Variants in SLIT3 observed in about 807,000 individuals in gnomAD.
The protein encoded by SLIT3 is slit homolog 3 protein.
In SLIT3, 68 loss-of-function variants were observed where a neutral mutation model predicts 184.0. The observed-to-expected ratio is 0.37, with a 90% CI of 0.30 to 0.45. The LOEUF (loss-of-function observed/expected upper bound fraction) is 0.45. Among genes scored for constraint, SLIT3 ranks in the 20% least tolerant of loss-of-function variants. The pLI is 1.00. For missense variants in SLIT3, 1,707 were observed against 2,026.0 expected (o/e 0.84, Z 3.02); for synonymous variants, 831 against 828.6 (o/e 1.00, Z -0.05).
rs1054876229 is a variant in SLIT3 at position 169,189,553 on chromosome 5, T to G, written c.413+3926A>C. Among the ~76,000 whole-genome samples the G allele has an allele frequency of 3.3e-5, 3 of 89,882 alleles. No individual in the cohort carries two copies. In the East Asian group the frequency reaches 1.4e-3, roughly 43 times the overall value. 59.0% of individuals were successfully genotyped at this position (89,882 alleles called of 152,430 possible). A position where few individuals can be genotyped will look rare whatever the true frequency, so the allele number is the denominator to read the frequency against. ...ATATATATATATATATATATATATA[T>G]ATATATATATATATATATATATATA... On this transcript the variant is annotated intron_variant, in intron 4 of 35. Coordinates refer to ENST00000519560, the MANE Select transcript of SLIT3 (RefSeq NM_003062.4).
intron 4 of SLIT3, among the ~76,000 whole-genome samples, chr5:169,174,852 G>A (rs1762925266): frequency 6.6e-6 from 1 of 152,074 alleles, no homozygotes; most frequent in African/African-American, 2.4e-5. Context: ...ATCCCATGGA[G>A]CTGAAGCTCA....
Position 169,161,388 on chromosome 5 carries a change from C to T in SLIT3, c.413+32091G>A, listed in dbSNP as rs1445025830. Reference sequence around the variant, plus strand: ...GTCCATCACTGCCCCTTCCTTGGGCCGAGCCTCTGTACCCGCCCACTGGCT... The same window carrying T: ...GTCCATCACTGCCCCTTCCTTGGGCTGAGCCTCTGTACCCGCCCACTGGCT... On this transcript the variant is annotated intron_variant, in intron 4 of 35. Coordinates refer to ENST00000519560, the MANE Select transcript of SLIT3 (RefSeq NM_003062.4). Among the ~76,000 whole-genome samples, 3 of 152,192 alleles carry T rather than the reference C, an allele frequency of 2.0e-5. 1 individual carries two copies. Among genetic ancestry groups the T allele is most frequent in the African/African-American group, 4.8e-5 (2 of 41,446 alleles).
chr5:169,029,093 C>A (rs1027429430), intron 4 of SLIT3, among the ~76,000 whole-genome samples: 3 of 152,146 alleles, frequency 2.0e-5, no homozygotes, highest in Admixed American at 6.5e-5. Context: ...GAAGAAAACA[C>A]CCCAGTTGCA....
At chr5:169,019,412 A>G (rs890658303) in intron 4 of SLIT3, among the ~76,000 whole-genome samples, 13 of 152,252 alleles carry the variant, frequency 8.5e-5, no homozygotes, top group Non-Finnish European at 2.9e-5. Flanking sequence ...TAATTCATTA[A>G]AAGAATAAAT....
intron 3 of SLIT3, among the ~76,000 whole-genome samples, chr5:169,226,683 G>A (rs906661114): frequency 1.2e-4 from 18 of 152,038 alleles, no homozygotes; most frequent in Non-Finnish European, 8.8e-5. Flanking sequence ...GCATTCTAGG[G>A]GTGAGGTTAA....
chr5:168,900,049 A>ACTG (rs1232205944), intron 4 of SLIT3, among the ~76,000 whole-genome samples: 6 of 152,188 alleles, frequency 3.9e-5, no homozygotes, highest in Non-Finnish European at 8.8e-5. Context: ...ATACCTAAAA[A>ACTG]CTGCTCAACA....
At chr5:168,931,311 A>C (rs1761980754) in intron 4 of SLIT3, among the ~76,000 whole-genome samples, 1 of 152,232 alleles carries the variant, frequency 6.6e-6, no homozygotes, top group African/African-American at 2.4e-5. Flanking sequence ...AGACAAACAA[A>C]ACCAAAATCT....
At chr5:169,123,702 A>G (rs1166611591) in intron 4 of SLIT3, among the ~76,000 whole-genome samples, 1 of 152,218 alleles carries the variant, frequency 6.6e-6, no homozygotes, top group Non-Finnish European at 1.5e-5. Context: ...ATGAGGAGGC[A>G]CATGGTTTTA....
At chr5:169,106,247 A>G (rs1300955534) in intron 4 of SLIT3, among the ~76,000 whole-genome samples, 2 of 152,198 alleles carry the variant, frequency 1.3e-5, no homozygotes, top group Non-Finnish European at 2.9e-5. Flanking sequence ...ATCAGAATGC[A>G]GAAGCCAAGG....
intron 4 of SLIT3, chr5:169,037,833 T>C (rs1757309396): frequency 6.6e-6 from 1 of 152,272 alleles, no homozygotes; most frequent in African/African-American, 2.4e-5. Context: ...CGGACATCTG[T>C]GGCAAGTGTT....
Position 168,676,163 on chromosome 5 carries a change from T to TTCCATCCATCCA in SLIT3, c.3687-2844_3687-2833dup, listed in dbSNP as rs113432099. 2.7e-3 allele frequency among the ~76,000 whole-genome samples: 405 copies of TTCCATCCATCCA among 150,308 alleles called. 3 individuals are homozygous for TTCCATCCATCCA. The highest frequency in any genetic ancestry group is 8.4e-3 in the African/African-American group (342 of 40,850). On this transcript the variant is annotated intron_variant, in intron 32 of 35. Transcript: ENST00000519560. ...CCCACCTACTTATTTATCTACTCTCTTCCATCCATCCATCCATCCATCCAT... is the reference window on the plus strand; with the variant it reads ...CCCACCTACTTATTTATCTACTCTCTTCCATCCATCCATCCATCCATCCATCCATCCATCCAT...
At chr5:168,845,279 T>C (rs546698003) in intron 5 of SLIT3, among the ~76,000 whole-genome samples, 14 of 152,312 alleles carry the variant, frequency 9.2e-5, no homozygotes, top group African/African-American at 3.4e-4. Context: ...CCTCTGTGCA[T>C]TGTTACGGGG....
chr5:169,145,322 T>A (rs765444376), intron 4 of SLIT3, among the ~76,000 whole-genome samples: 7 of 152,176 alleles, frequency 4.6e-5, no homozygotes, highest in African/African-American at 1.4e-4. Context: ...CTAGGTCTGC[T>A]GAGGACAGGG....
At chr5:169,146,408 A>C (rs965715622) in intron 4 of SLIT3, among the ~76,000 whole-genome samples, 1 of 152,198 alleles carries the variant, frequency 6.6e-6, no homozygotes, top group African/African-American at 2.4e-5. Context: ...TACTGCCCTG[A>C]CGGAGCCTGA....
At chr5:168,693,515 G>A (rs1399171619) in intron 28 of SLIT3, among the ~76,000 whole-genome samples, 1 of 152,166 alleles carries the variant, frequency 6.6e-6, no homozygotes, top group African/African-American at 2.4e-5. Flanking sequence ...GGGGGAGGGC[G>A]GTAAGGCAGG....
chr5:168,936,639 C>T (rs1455818767), intron 4 of SLIT3, among the ~76,000 whole-genome samples: 1 of 152,142 alleles, frequency 6.6e-6, no homozygotes, highest in Non-Finnish European at 1.5e-5. Context: ...ATAAAAGCAG[C>T]TGACATTATG....
At chr5:169,193,685 C>A in intron 3 of SLIT3, 135 bp from the exon 4 acceptor site, 1 of 741,624 alleles carries the variant, frequency 1.3e-6, no homozygotes, top group South Asian at 1.5e-5. Context: ...GTATGGGCTG[C>A]TCAACACATG....
At chr5:168,808,375 A>G (rs1368485318) in intron 8 of SLIT3, among the ~76,000 whole-genome samples, 1 of 152,046 alleles carries the variant, frequency 6.6e-6, no homozygotes, top group African/African-American at 2.4e-5. Context: ...TACTGCCTCT[A>G]TCTGATTCCT....
At chr5:168,832,902 A>G (rs1301070113) in intron 6 of SLIT3, among the ~76,000 whole-genome samples, 1 of 152,228 alleles carries the variant, frequency 6.6e-6, no homozygotes, top group Non-Finnish European at 1.5e-5. Flanking sequence ...AACCAAACAA[A>G]TTCATTCAAT....
Sources: allele counts gnomAD v4.1 joint callset (sites outside exome capture counted in the v4.1 genomes callset), GRCh38; gene constraint gnomAD v4.1.1; transcripts MANE v1.5; gene names NCBI Gene and HGNC (gene_info 2026-07-23, HGNC 2026-07-21).